The following RSRC2 variants were observed in gnomAD, a reference collection of about 807,000 sequenced individuals.
The protein encoded by RSRC2 is arginine and serine rich coiled-coil 2.
In RSRC2, 5 loss-of-function variants were observed where a neutral mutation model predicts 61.3. The observed-to-expected ratio is 0.08, with a 90% CI of 0.04 to 0.17. The LOEUF (loss-of-function observed/expected upper bound fraction) is 0.17, where lower values mean the gene tolerates loss of function less well. Ranked by LOEUF, RSRC2 falls within the 10% of genes least tolerant of loss-of-function variation. RSRC2 has a pLI of 1.00. For missense variants in RSRC2, 381 were observed against 518.8 expected (o/e 0.73, Z 2.58); for synonymous variants, 202 against 166.5 (o/e 1.21, Z -1.64).
intron 7 of RSRC2, among the ~76,000 whole-genome samples, chr12:122,508,904 C>T (rs185515642): frequency 1.6e-3 from 248 of 151,778 alleles, no homozygotes; most frequent in African/African-American, 5.0e-3. Flanking sequence ...TGCAGTGAGT[C>T]GAGATCATGC....
intron 6 of RSRC2, among the ~76,000 whole-genome samples, chr12:122,513,370 TTTC>T (rs139510531): frequency 0.025 from 3,846 of 151,986 alleles, 139 homozygotes; most frequent in African/African-American, 0.084. Flanking sequence ...TACATGGTAG[TTTC>T]TTAAGAAAAA....
At chr12:122,522,370 G>A (rs1300487833) in intron 1 of RSRC2, 71 bp from the exon 2 acceptor site, 4 of 1,387,744 alleles carry the variant, frequency 2.9e-6, no homozygotes, top group East Asian at 2.5e-5. Flanking sequence ...TTAAAAGAGG[G>A]ACAAAGGGAG....
chr12:122,515,085 G>A lies in RSRC2; in HGVS notation c.725+20C>T, dbSNP rs759334501. On this transcript the variant is annotated intron_variant, in intron 6 of 9. Coordinates refer to ENST00000331738, the MANE Select transcript of RSRC2 (RefSeq NM_023012.6). ...TATTTAAAGGCGAACTGGAACAAATGAATTAAGAAATATACACACCTTCTA... is the reference window on the plus strand; with the variant it reads ...TATTTAAAGGCGAACTGGAACAAATAAATTAAGAAATATACACACCTTCTA... 6.2e-7 allele frequency: 1 copy of A among 1,604,426 alleles called. No homozygotes were observed. Among genetic ancestry groups the A allele is most frequent in the Admixed American group, 1.7e-5 (1 of 57,352 alleles).
intron 1 of RSRC2, chr12:122,523,009 G>A (rs528126721): frequency 3.9e-5 from 6 of 152,206 alleles, no homozygotes; most frequent in South Asian, 2.1e-4. Flanking sequence ...GACAATGCTC[G>A]GCTATCTGAC....
At chr12:122,507,388 TA>T (rs1158467952) in intron 8 of RSRC2, 1 of 154,692 alleles carries the variant, frequency 6.5e-6, no homozygotes, top group African/African-American at 2.4e-5. Context: ...GTCTCAAAAA[TA>T]ATAAAAATAA....
At chr12:122,514,865 G>C (rs1836485607) in intron 6 of RSRC2, 1 of 681,308 alleles carries the variant, frequency 1.5e-6, no homozygotes, top group South Asian at 2.5e-5. Context: ...CTAAATTTGA[G>C]AAAAATGAAA....
rs1565891019 is a variant in RSRC2 at position 122,511,141 on chromosome 12, A to G, written c.773T>C (p.Val258Ala). 2 of 1,607,838 alleles carry G rather than the reference A, an allele frequency of 1.2e-6. No individual in the cohort carries two copies. The highest frequency in any genetic ancestry group is 8.5e-7 in the Non-Finnish European group (1 of 1,179,408). Residue 258 changes from valine to alanine, a missense_variant, in exon 7 of 10, where the codon GTT becomes GCT. Physicochemically the swap from Val to Ala is moderately conservative, Grantham distance 64. Around this residue, in one of 4 missense-constraint regions of RSRC2, gnomAD observed 26 missense variants for 27.5 expected, o/e 0.95. Transcript: ENST00000331738. The stretch of plus-strand genomic sequence containing the variant: ...TATTTCTTGTTGTTTTTGTTTTTCA[A>G]CCATTTCCTTTTCTCGCTGTTCTTG... ...KLQEQREKEMVEKQKQQEIAA... is the reference protein window; with the variant it reads ...KLQEQREKEMAEKQKQQEIAA...
intron 5 of RSRC2, among the ~76,000 whole-genome samples, chr12:122,516,419 GTGGGTTAAGCA>G (rs1287160476): frequency 6.6e-6 from 1 of 152,296 alleles, no homozygotes; most frequent in South Asian, 2.1e-4. Flanking sequence ...GTACAATACA[GTGGGTTAAGCA>G]CATGCATGGA....
intron 5 of RSRC2, among the ~76,000 whole-genome samples, chr12:122,516,580 G>C (rs1220638645): frequency 6.6e-6 from 1 of 152,208 alleles, no homozygotes; most frequent in African/African-American, 2.4e-5. Context: ...CTGAGAACTA[G>C]ATGAGCTAAT....
At chr12:122,516,360 A>C (rs1593395841) in intron 5 of RSRC2, among the ~76,000 whole-genome samples, 2 of 152,186 alleles carry the variant, frequency 1.3e-5, no homozygotes, top group African/African-American at 2.4e-5. Context: ...CCCACCAATC[A>C]AGATAAATCT....
At chr12:122,524,867 T>C (rs1959830298) in intron 1 of RSRC2, among the ~76,000 whole-genome samples, 1 of 152,206 alleles carries the variant, frequency 6.6e-6, no homozygotes, top group Non-Finnish European at 1.5e-5. Context: ...AAAACAGCCT[T>C]CTATTCCAGC....
At position 122,504,876 on chromosome 12, in the gene RSRC2, C is replaced by G. The variant is rs1958024345; in HGVS notation, c.*651G>C. 6.6e-6 allele frequency: 1 copy of G among 152,574 alleles called. No homozygotes were observed. The highest frequency in any genetic ancestry group is 2.4e-5 in the African/African-American group (1 of 41,414). 9.5% of individuals were successfully genotyped at this position (152,574 alleles called of 1,614,324 possible). A position where few individuals can be genotyped will look rare whatever the true frequency, so the allele number is the denominator to read the frequency against. ...AACATACTATTTTAGTAAGTTTTCT[C>G]CTTCCACCTTTTACATTTTTGCTCA... On this transcript the variant is annotated 3_prime_UTR_variant, in exon 10 of 10. Transcript: ENST00000331738.
chr12:122,523,528 A>G (rs1959560456), intron 1 of RSRC2: 1 of 152,214 alleles, frequency 6.6e-6, no homozygotes, highest in South Asian at 2.1e-4. Context: ...ATGGCCCACA[A>G]AGCCAAAAAT....
chr12:122,514,751 A>G lies in RSRC2; in HGVS notation c.725+354T>C, dbSNP rs770174108. On this transcript the variant is annotated intron_variant, in intron 6 of 9. Coordinates refer to ENST00000331738, the MANE Select transcript of RSRC2 (RefSeq NM_023012.6). ...TGTCTATTTGAGGGAGAAAAACAAA[A>G]AGTAAAGGAAAAGTCATCTTAGATG... 2.3e-5 allele frequency: 26 copies of G among 1,130,836 alleles called. No individual in the cohort carries two copies. In the East Asian group the frequency reaches 1.5e-3, roughly 63 times the overall value. 70.1% of individuals were successfully genotyped at this position (1,130,836 alleles called of 1,614,324 possible).
At position 122,508,303 on chromosome 12, in the gene RSRC2, T is replaced by C. The variant is rs775108641; in HGVS notation, c.950A>G (p.Tyr317Cys). Residue 317 changes from tyrosine (Y) to cysteine (C), a missense_variant, in exon 8 of 10, where the codon TAC becomes TGC. Around this residue, in one of 4 missense-constraint regions of RSRC2, gnomAD observed 78 missense variants for 183.0 expected, o/e 0.43. Coordinates refer to ENST00000331738, the MANE Select transcript of RSRC2 (RefSeq NM_023012.6). ...LAETGIAVPS[Y>C]YNPAAVNPMK... ...TGGATTAACAGCGGCTGGGTTATAG[T>C]AGCTAGGAACAGCTATTCCTGTCTC... The C allele has an allele frequency of 6.2e-7, 1 of 1,614,190 alleles. No homozygotes were observed. The highest frequency in any genetic ancestry group is 2.2e-5 in the East Asian group (1 of 44,874).
At chr12:122,509,394 G>C (rs569499999) in intron 7 of RSRC2, among the ~76,000 whole-genome samples, 4 of 151,534 alleles carry the variant, frequency 2.6e-5, no homozygotes, top group African/African-American at 4.8e-5. Context: ...AGGTTGTTGT[G>C]AGTCAGGATT....
rs1959113466 is a variant in RSRC2 at position 122,518,820 on chromosome 12, A to G, written c.398+19T>C. 8 of 1,592,100 alleles carry G rather than the reference A, an allele frequency of 5.0e-6. No individual in the cohort carries two copies. Among genetic ancestry groups the G allele is most frequent in the Middle Eastern group, 1.7e-4 (1 of 6,012 alleles). Reference sequence around the variant, plus strand: ...GTAACTTGTTAGAAGGTACTACATTATAATACAACATGACTTACCTTTCAC... The same window carrying G: ...GTAACTTGTTAGAAGGTACTACATTGTAATACAACATGACTTACCTTTCAC... On this transcript the variant is annotated intron_variant, in intron 4 of 9. Coordinates refer to ENST00000331738, the MANE Select transcript of RSRC2 (RefSeq NM_023012.6).
At position 122,505,460 on chromosome 12, in the gene RSRC2, G is replaced by A. The variant is rs1038744255; in HGVS notation, c.*67C>T. ...ATGCAAGCTAGAGTGCTAGCTGTTT[G>A]GTGAACAAGGACGTGACATCAGAAC... On this transcript the variant is annotated 3_prime_UTR_variant, in exon 10 of 10. Transcript: ENST00000331738. 5.5e-6 allele frequency: 8 copies of A among 1,443,874 alleles called. No homozygotes were observed. The highest frequency in any genetic ancestry group is 7.6e-6 in the Non-Finnish European group (8 of 1,047,262). 89.4% of individuals were successfully genotyped at this position (1,443,874 alleles called of 1,614,324 possible). A position where few individuals can be genotyped will look rare whatever the true frequency, so the allele number is the denominator to read the frequency against.
intron 7 of RSRC2, among the ~76,000 whole-genome samples, chr12:122,510,647 G>T (rs962008423): frequency 6.6e-6 from 1 of 152,184 alleles, no homozygotes; most frequent in African/African-American, 2.4e-5. Flanking sequence ...AAACACTTAA[G>T]TGAGAACACT....
Sources: allele counts gnomAD v4.1 joint callset (sites outside exome capture counted in the v4.1 genomes callset), GRCh38; gene constraint gnomAD v4.1.1; regional missense constraint gnomAD v4.1.1; transcripts MANE v1.5; gene names NCBI Gene and HGNC (gene_info 2026-07-23, HGNC 2026-07-21).